CFAP61: variants seen among roughly 807,000 people sequenced by gnomAD.
CFAP61 encodes the protein cilia- and flagella-associated protein 61.
CFAP61 carries 107 observed loss-of-function variants against 135.6 expected under a neutral mutation model. The observed-to-expected ratio is 0.79, with a 90% confidence interval of 0.67 to 0.93. The LOEUF (loss-of-function observed/expected upper bound fraction) is 0.93, where lower values mean the gene tolerates loss of function less well. Ranked by LOEUF, CFAP61 falls within the 40% of genes least tolerant of loss-of-function variation. CFAP61 has a pLI of 0.00. For missense variants in CFAP61, 1,507 were observed against 1,556.2 expected (o/e 0.97, Z 0.53); for synonymous variants, 575 against 578.5 (o/e 0.99, Z 0.09).
chr20:20,129,488 C>T (rs969949963), intron 8 of CFAP61, among the ~76,000 whole-genome samples: 1 of 151,612 alleles, frequency 6.6e-6, no homozygotes, highest in African/African-American at 2.4e-5. Flanking sequence ...CTTTTAGGAT[C>T]CTCTCTTTAT....
chr20:20,198,994 C>A (rs2056459514), intron 16 of CFAP61, among the ~76,000 whole-genome samples: 1 of 152,080 alleles, frequency 6.6e-6, no homozygotes, highest in African/African-American at 2.4e-5. Flanking sequence ...TTCACCAAAA[C>A]CCCTAAGATT....
At position 20,056,963 on chromosome 20, in the gene CFAP61, C is replaced by T. The variant is rs114693318; in HGVS notation, c.143+167C>T. 3.9e-3 allele frequency among the ~76,000 whole-genome samples: 586 copies of T among 151,866 alleles called. 5 individuals are homozygous for T. Among genetic ancestry groups the T allele is most frequent in the African/African-American group, 0.013 (557 of 41,422 alleles). Reference sequence around the variant, plus strand: ...CAAAACCTCATCTCTACTAAAAATACAATAATCAGCTGGGCGTGGTGGCGC... The same window carrying T: ...CAAAACCTCATCTCTACTAAAAATATAATAATCAGCTGGGCGTGGTGGCGC... On this transcript the variant is annotated intron_variant, in intron 2 of 26. Transcript: ENST00000245957.
rs1383310202 is a variant in CFAP61 at position 20,071,386 on chromosome 20, G to C, written c.294+382G>C. Reference sequence around the variant, plus strand: ...AATTGCCCTTGTAATCATGACAGCAGAGCCTCAGACTTCTGTCACATTCTA... The same window carrying C: ...AATTGCCCTTGTAATCATGACAGCACAGCCTCAGACTTCTGTCACATTCTA... On this transcript the variant is annotated intron_variant, in intron 3 of 26. Coordinates refer to ENST00000245957, the MANE Select transcript of CFAP61 (RefSeq NM_015585.4). 2.6e-5 allele frequency among the ~76,000 whole-genome samples: 4 copies of C among 152,176 alleles called. No individual in the cohort carries two copies. The East Asian group carries it at 7.7e-4, about 29-fold the overall frequency.
intron 24 of CFAP61, among the ~76,000 whole-genome samples, chr20:20,295,012 C>A (rs1287687956): frequency 6.7e-6 from 1 of 149,164 alleles, no homozygotes; most frequent in African/African-American, 2.5e-5. Context: ...CAAAAAAAAT[C>A]ACTAAAAGTG....
intron 20 of CFAP61, among the ~76,000 whole-genome samples, chr20:20,257,620 C>CAAAAAAAAAAAAAAAAAAAAA (rs147860452): frequency 5.2e-5 from 3 of 58,228 alleles, no homozygotes; most frequent in Non-Finnish European, 1.0e-4. Flanking sequence ...TCAAAAAAAA[C>CAAAAAAAAAAAAAAAAAAAAA]AAAAAAACAA....
At chr20:20,260,278 A>T (rs888550887) in intron 20 of CFAP61, among the ~76,000 whole-genome samples, 1 of 152,254 alleles carries the variant, frequency 6.6e-6, no homozygotes, top group African/African-American at 2.4e-5. Context: ...GAAGAAGGAA[A>T]TTTCTTGTAC....
chr20:20,259,350 C>T (rs2051965529), intron 20 of CFAP61, among the ~76,000 whole-genome samples: 1 of 147,924 alleles, frequency 6.8e-6, no homozygotes, highest in Admixed American at 6.9e-5. Context: ...ACCTCCCCGG[C>T]TCAGGTGATT....
chr20:20,228,497 C>A, intron 18 of CFAP61, 121 bp downstream of exon 18: 1 of 752,710 alleles, frequency 1.3e-6, no homozygotes, highest in Non-Finnish European at 2.2e-6. Flanking sequence ...CACACCCTGC[C>A]TATGTGGATG....
intron 8 of CFAP61, among the ~76,000 whole-genome samples, chr20:20,133,553 G>A (rs2050699517): frequency 6.6e-6 from 1 of 152,146 alleles, no homozygotes; most frequent in Non-Finnish European, 1.5e-5. Flanking sequence ...GCCACATGAA[G>A]CAAAGGGCCT....
At chr20:20,103,755 G>A (rs2048187020) in intron 8 of CFAP61, among the ~76,000 whole-genome samples, 1 of 152,168 alleles carries the variant, frequency 6.6e-6, no homozygotes, top group African/African-American at 2.4e-5. Flanking sequence ...TGCAAATCAA[G>A]CTGTGTCTTT....
At chr20:20,225,324 T>G (rs2048665674) in intron 17 of CFAP61, 1 of 152,178 alleles carries the variant, frequency 6.6e-6, no homozygotes, top group African/African-American at 2.4e-5. Flanking sequence ...GATGGATATG[T>G]TTTTAATTAA....
At chr20:20,074,559 A>G (rs553051160) in intron 4 of CFAP61, among the ~76,000 whole-genome samples, 181 bp downstream of exon 4, 6 of 152,310 alleles carry the variant, frequency 3.9e-5, no homozygotes, top group African/African-American at 7.2e-5. Context: ...CTTTGAATCT[A>G]TTGTCCATTC....
intron 25 of CFAP61, chr20:20,323,003 C>T: frequency 1.0e-6 from 1 of 985,404 alleles, no homozygotes; most frequent in Non-Finnish European, 1.2e-6. Flanking sequence ...TCAATAATGT[C>T]AGATGGCCCT....
chr20:20,327,777 C>CAAAAAAAAAAAAAAAAAAAAAAAAAAA lies in CFAP61; in HGVS notation c.3423-14052_3423-14026dup, dbSNP rs60171844. ...CCTGGGCAACAGAGCAAGAGCCTGT[C>CAAAAAAAAAAAAAAAAAAAAAAAAAAA]AAAAAAAAAAAAAAAAAAAAAAAAA... is the stretch of plus-strand genomic sequence containing the variant. On this transcript the variant is annotated intron_variant, in intron 25 of 26. Coordinates refer to ENST00000245957, the MANE Select transcript of CFAP61 (RefSeq NM_015585.4). Among the ~76,000 whole-genome samples the CAAAAAAAAAAAAAAAAAAAAAAAAAAA allele has an allele frequency of 1.7e-4, 10 of 60,342 alleles. 2 individuals carry two copies. Among genetic ancestry groups the CAAAAAAAAAAAAAAAAAAAAAAAAAAA allele is most frequent in the African/African-American group, 6.3e-4 (10 of 15,774 alleles). 39.6% of individuals were successfully genotyped at this position (60,342 alleles called of 152,430 possible). A position where few individuals can be genotyped will look rare whatever the true frequency, so the allele number is the denominator to read the frequency against.
chr20:20,271,967 A>C (rs1216363026), intron 21 of CFAP61, among the ~76,000 whole-genome samples: 3 of 152,202 alleles, frequency 2.0e-5, no homozygotes, highest in Non-Finnish European at 4.4e-5. Flanking sequence ...TAGAAACTTC[A>C]AAAACAGTGT....
chr20:20,262,436 T>C (rs2052320314), intron 20 of CFAP61, among the ~76,000 whole-genome samples: 2 of 152,288 alleles, frequency 1.3e-5, no homozygotes, highest in South Asian at 2.1e-4. Flanking sequence ...CCAGCTCAGA[T>C]CCAGCCCTTA....
At chr20:20,267,372 T>G (rs2052849018) in intron 21 of CFAP61, 2 of 152,588 alleles carry the variant, frequency 1.3e-5, no homozygotes, top group African/African-American at 4.8e-5. Context: ...CTGGTTACCT[T>G]TTAGGGATGG....
chr20:20,276,450 A>C (rs1370717082), intron 21 of CFAP61, among the ~76,000 whole-genome samples: 1 of 152,268 alleles, frequency 6.6e-6, no homozygotes, highest in Non-Finnish European at 1.5e-5. Context: ...AAATAGTAGA[A>C]TAGCATATGT....
At chr20:20,346,931 C>A (rs2058655744) in intron 26 of CFAP61, among the ~76,000 whole-genome samples, 1 of 152,204 alleles carries the variant, frequency 6.6e-6, no homozygotes, top group East Asian at 1.9e-4. Context: ...GGATGAAATT[C>A]TCTGTTCAAC....
Sources: gnomAD v4.1 joint callset for allele counts (sites outside exome capture counted in the v4.1 genomes callset) on GRCh38, gnomAD v4.1.1 for gene constraint, MANE v1.5 for transcripts, NCBI Gene and HGNC (gene_info 2026-07-23, HGNC 2026-07-21) for gene names.